Variants in PLXDC2 observed in about 807,000 individuals in gnomAD.
PLXDC2 encodes plexin domain-containing protein 2.
PLXDC2 carries 40 observed loss-of-function variants against 68.9 expected under a neutral mutation model. The observed-to-expected ratio is 0.58, with a 90% CI of 0.45 to 0.76. The LOEUF (loss-of-function observed/expected upper bound fraction) is 0.76, where lower values mean the gene tolerates loss of function less well. PLXDC2 is among the 30% of genes least tolerant of loss of function. The pLI is 0.00. For missense variants in PLXDC2, 644 were observed against 661.9 expected (o/e 0.97, Z 0.30); for synonymous variants, 243 against 234.2 (o/e 1.04, Z -0.34).
intron 4 of PLXDC2, among the ~76,000 whole-genome samples, chr10:20,124,205 T>G (rs531542847): frequency 6.6e-6 from 1 of 152,274 alleles, no homozygotes; most frequent in African/African-American, 2.4e-5. Flanking sequence ...GAAGGCTGCC[T>G]TCCCTAGTCC....
At chr10:20,258,009 T>TC (rs2119361261) in intron 13 of PLXDC2, among the ~76,000 whole-genome samples, 1 of 144,222 alleles carries the variant, frequency 6.9e-6, no homozygotes, top group South Asian at 2.2e-4. Flanking sequence ...TTTTTTTTTT[T>TC]TTTTTTTTTT....
intron 1 of PLXDC2, among the ~76,000 whole-genome samples, chr10:19,972,651 A>G (rs757280409): frequency 2.0e-5 from 3 of 152,238 alleles, no homozygotes; most frequent in Admixed American, 6.5e-5. Flanking sequence ...GTTGGAAGAA[A>G]AAAAATGATG....
In PLXDC2 at chr10:19,909,961, G is replaced by C. The variant is rs569580238; in HGVS notation, c.113-91814G>C. On this transcript the variant is annotated intron_variant, in intron 1 of 13. Coordinates refer to ENST00000377252, the MANE Select transcript of PLXDC2 (RefSeq NM_032812.9). ...TACTTGGGACCCCAAAATTCTACTT[G>C]CACGTATTTTGGGAAATATTTAGTT... Among the ~76,000 whole-genome samples, 21 of 152,204 alleles carry C rather than the reference G, an allele frequency of 1.4e-4. No homozygotes were observed. The South Asian group carries it at 3.7e-3, about 27-fold the overall frequency.
intron 1 of PLXDC2, among the ~76,000 whole-genome samples, chr10:19,887,311 A>G (rs949002780): frequency 2.0e-5 from 3 of 152,176 alleles, no homozygotes; most frequent in African/African-American, 4.8e-5. Context: ...ACTTGAGGTT[A>G]GGAGTTCGAG....
intron 4 of PLXDC2, among the ~76,000 whole-genome samples, chr10:20,117,731 G>C (rs1413863226): frequency 6.6e-6 from 1 of 152,176 alleles, no homozygotes; most frequent in East Asian, 1.9e-4. Context: ...GTCTCTCCCT[G>C]TTCTCAGTAA....
intron 3 of PLXDC2, 150 bp from the exon 4 acceptor site, chr10:20,068,020 G>T (rs868073158): frequency 1.2e-4 from 71 of 575,406 alleles, no homozygotes; most frequent in Middle Eastern, 8.9e-4. Context: ...ATATTCTTTA[G>T]TACGACCGAG....
At chr10:19,858,712 T>C (rs561456784) in intron 1 of PLXDC2, among the ~76,000 whole-genome samples, 1 of 151,964 alleles carries the variant, frequency 6.6e-6, no homozygotes, top group African/African-American at 2.4e-5. Flanking sequence ...AGTATTTGCA[T>C]TGTAGAGTGG....
In PLXDC2 at chr10:20,008,553, C is replaced by T. The variant is rs137907155; in HGVS notation, c.324+6567C>T. Among the ~76,000 whole-genome samples the T allele has an allele frequency of 1.7e-3, 257 of 151,482 alleles. 1 individual carries two copies. Among genetic ancestry groups the T allele is most frequent in the African/African-American group, 5.5e-3 (225 of 41,254 alleles). ...GGGTGACGAAAGTGAAACTCTGTCT[C>T]GAAAAAATAAAAATAAAAAATGTGA... On this transcript the variant is annotated intron_variant, in intron 2 of 13. Coordinates refer to ENST00000377252, the MANE Select transcript of PLXDC2 (RefSeq NM_032812.9).
At chr10:19,892,921 C>CTTTT (rs61406547) in intron 1 of PLXDC2, among the ~76,000 whole-genome samples, 1 of 130,534 alleles carries the variant, frequency 7.7e-6, no homozygotes, top group Non-Finnish European at 1.7e-5. Flanking sequence ...TTGAAATGGT[C>CTTTT]TTTTTTTTTT....
At chr10:20,135,786 C>T (rs1229759022) in intron 4 of PLXDC2, among the ~76,000 whole-genome samples, 1 of 152,026 alleles carries the variant, frequency 6.6e-6, no homozygotes. Context: ...TTTATAATCC[C>T]CAGTGGTGCC....
At chr10:19,881,964 A>C (rs920898496) in intron 1 of PLXDC2, among the ~76,000 whole-genome samples, 1 of 152,200 alleles carries the variant, frequency 6.6e-6, no homozygotes, top group Non-Finnish European at 1.5e-5. Context: ...TTACTTCTTC[A>C]TGCAGTCATC....
chr10:20,063,347 T>C (rs1836138766), intron 3 of PLXDC2, among the ~76,000 whole-genome samples: 1 of 152,176 alleles, frequency 6.6e-6, no homozygotes, highest in African/African-American at 2.4e-5. Context: ...AAGTATGGCT[T>C]TATGACGGTA....
chr10:20,137,590 G>A (rs987966108), intron 4 of PLXDC2, among the ~76,000 whole-genome samples: 6 of 152,176 alleles, frequency 3.9e-5, no homozygotes, highest in Non-Finnish European at 5.9e-5. Context: ...TAAGGCATAG[G>A]TGCTGGAATT....
intron 7 of PLXDC2, among the ~76,000 whole-genome samples, chr10:20,175,129 C>T: frequency 6.6e-6 from 1 of 151,994 alleles, no homozygotes; most frequent in East Asian, 1.9e-4. Flanking sequence ...CTTGTATGAT[C>T]TAAGGTTGTC....
chr10:20,043,679 C>T (rs1257089340), intron 2 of PLXDC2, among the ~76,000 whole-genome samples: 1 of 151,978 alleles, frequency 6.6e-6, no homozygotes, highest in East Asian at 1.9e-4. Context: ...TCTTTAACCT[C>T]AATGTTCCTG....
chr10:20,263,447 G>T (rs1236363471), intron 13 of PLXDC2, among the ~76,000 whole-genome samples: 2 of 152,092 alleles, frequency 1.3e-5, no homozygotes, highest in Admixed American at 6.6e-5. Context: ...ATAGAAACGG[G>T]CAAAGGTTTT....
At chr10:19,882,609 G>A (rs1376429792) in intron 1 of PLXDC2, among the ~76,000 whole-genome samples, 2 of 152,060 alleles carry the variant, frequency 1.3e-5, no homozygotes, top group Admixed American at 6.6e-5. Context: ...GAGCTAAATC[G>A]ATGAATCAAA....
intron 6 of PLXDC2, among the ~76,000 whole-genome samples, chr10:20,161,189 A>G (rs1279486461): frequency 1.3e-5 from 2 of 152,288 alleles, no homozygotes; most frequent in African/African-American, 2.4e-5. Flanking sequence ...CAAGTTGCCT[A>G]TAAATCAGCT....
At chr10:20,100,532 C>T (rs1833409214) in intron 4 of PLXDC2, among the ~76,000 whole-genome samples, 2 of 152,038 alleles carry the variant, frequency 1.3e-5, no homozygotes, top group African/African-American at 4.8e-5. Context: ...ATTCAGAAGA[C>T]ACTGAATTTA....
Sources: allele counts gnomAD v4.1 joint callset (sites outside exome capture counted in the v4.1 genomes callset), GRCh38; gene constraint gnomAD v4.1.1; transcripts MANE v1.5; gene names NCBI Gene and HGNC (gene_info 2026-07-23, HGNC 2026-07-21).